Variants in TSPAN13 observed in about 807,000 individuals in gnomAD.
TSPAN13 encodes the protein tetraspanin 13.
A neutral mutation model predicts 26.9 loss-of-function variants in TSPAN13; 18 were observed. That is an observed-to-expected ratio of 0.67 (90% CI 0.46 to 0.99). The LOEUF is 0.99. Among genes scored for constraint, TSPAN13 ranks in the 50% least tolerant of loss-of-function variants. The pLI is 0.00. For synonymous variants in TSPAN13, 116 were observed against 98.4 expected, an observed-to-expected ratio of 1.18 and a Z score of -1.06; for missense variants, 201 against 249.6, an observed-to-expected ratio of 0.81 and a Z score of 1.31.
At chr7:16,776,716 A>G (rs2115335052) in intron 2 of TSPAN13, among the ~76,000 whole-genome samples, 1 of 152,200 alleles carries the variant, frequency 6.6e-6, no homozygotes, top group East Asian at 1.9e-4. Flanking sequence ...TGTTTTTTTT[A>G]GACTTAATAT....
chr7:16,764,053 C>T (rs991600366), intron 1 of TSPAN13, among the ~76,000 whole-genome samples: 3 of 152,142 alleles, frequency 2.0e-5, no homozygotes, highest in African/African-American at 7.2e-5. Flanking sequence ...GAGTCTCGCT[C>T]TGTTGCCAGG....
Position 16,779,129 on chromosome 7 carries a change from A to G in TSPAN13, c.540+13A>G. 2 of 1,591,716 alleles carry G rather than the reference A, an allele frequency of 1.3e-6. No homozygotes were observed. On this transcript the variant is annotated intron_variant, in intron 5 of 5. Transcript: ENST00000262067. ...CAGTTTTACAGAGGTATGTGCAAATAACAATATTTTTCCTCCTTTGTCACA... is the reference window on the plus strand; with the variant it reads ...CAGTTTTACAGAGGTATGTGCAAATGACAATATTTTTCCTCCTTTGTCACA...
chr7:16,765,057 C>T (rs1022120997), intron 1 of TSPAN13, among the ~76,000 whole-genome samples: 5 of 151,982 alleles, frequency 3.3e-5, no homozygotes, highest in Admixed American at 6.6e-5. Context: ...CTATGCCCCA[C>T]CTGTGCTGTA....
chr7:16,757,745 C>A (rs1288387859), intron 1 of TSPAN13, among the ~76,000 whole-genome samples: 1 of 152,060 alleles, frequency 6.6e-6, no homozygotes, highest in Non-Finnish European at 1.5e-5. Context: ...GAGAAAAATT[C>A]TCATGCAGCA....
At chr7:16,763,503 T>A (rs982499740) in intron 1 of TSPAN13, among the ~76,000 whole-genome samples, 60 of 152,364 alleles carry the variant, frequency 3.9e-4, no homozygotes, top group Middle Eastern at 3.4e-3. Context: ...CATCCGCTTT[T>A]CAGCTTAGCT....
Position 16,777,793 on chromosome 7 carries a change from A to C in TSPAN13, c.313-5A>C. 1.2e-6 allele frequency: 2 copies of C among 1,611,996 alleles called. No homozygotes were observed. Among genetic ancestry groups the C allele is most frequent in the Non-Finnish European group, 1.7e-6 (2 of 1,178,534 alleles). On this transcript the variant is annotated splice_polypyrimidine_tract_variant and splice_region_variant and intron_variant, in intron 3 of 5. Coordinates refer to ENST00000262067, the MANE Select transcript of TSPAN13 (RefSeq NM_014399.4). Reference sequence around the variant, plus strand: ...CACATTTTATATATTAAACACATTTACTAGGGTCAGCTTCTGGAGGTTGGT... The same window carrying C: ...CACATTTTATATATTAAACACATTTCCTAGGGTCAGCTTCTGGAGGTTGGT...
chr7:16,767,897 TTTTATTTTTTA>T (rs1784625151), intron 1 of TSPAN13, among the ~76,000 whole-genome samples: 1 of 152,110 alleles, frequency 6.6e-6, no homozygotes, highest in African/African-American at 2.4e-5. Context: ...TTGTATTCAT[TTTTATTTTTTA>T]TTTATTTTTA....
chr7:16,772,722 G>T (rs149243862), intron 1 of TSPAN13, among the ~76,000 whole-genome samples: 1 of 152,120 alleles, frequency 6.6e-6, no homozygotes, highest in African/African-American at 2.4e-5. Flanking sequence ...TTGGCCGGGC[G>T]CGGTGGCTCA....
chr7:16,762,460 A>AT (rs1784553337), intron 1 of TSPAN13, among the ~76,000 whole-genome samples: 2 of 152,280 alleles, frequency 1.3e-5, no homozygotes, highest in South Asian at 4.1e-4. Context: ...CTCGGGCGAT[A>AT]ATCCAGGCCC....
intron 5 of TSPAN13, among the ~76,000 whole-genome samples, chr7:16,779,562 C>T (rs1784791989): frequency 6.6e-6 from 1 of 151,376 alleles, no homozygotes; most frequent in Non-Finnish European, 1.5e-5. Flanking sequence ...TTTTTCATTC[C>T]CCTGTTCCTA....
chr7:16,783,304 C>A, intron 5 of TSPAN13, 113 bp from the exon 6 acceptor site: 3 of 1,039,146 alleles, frequency 2.9e-6, no homozygotes, highest in Middle Eastern at 2.2e-4. Context: ...CCCCGTTGAA[C>A]AAAAGATGCA....
chr7:16,774,272 ATAGATG>A (rs1439755861), intron 1 of TSPAN13, among the ~76,000 whole-genome samples: 2 of 152,156 alleles, frequency 1.3e-5, no homozygotes, highest in African/African-American at 4.8e-5. Flanking sequence ...CAATAGATAG[ATAGATG>A]TAGATATAGA....
chr7:16,782,422 G>T (rs1784823254), intron 5 of TSPAN13, among the ~76,000 whole-genome samples: 1 of 152,072 alleles, frequency 6.6e-6, no homozygotes. Context: ...GTTAAAAGTT[G>T]GCACACGTAT....
At chr7:16,755,365 A>G (rs1478104650) in intron 1 of TSPAN13, among the ~76,000 whole-genome samples, 1 of 152,196 alleles carries the variant, frequency 6.6e-6, no homozygotes, top group Non-Finnish European at 1.5e-5. Flanking sequence ...CTAGTTAGTA[A>G]GAATCTGGTC....
intron 1 of TSPAN13, among the ~76,000 whole-genome samples, chr7:16,768,570 T>A (rs944923740): frequency 1.3e-5 from 2 of 152,240 alleles, no homozygotes; most frequent in Admixed American, 1.3e-4. Flanking sequence ...AAATGCCATG[T>A]CAGTGTTATA....
At chr7:16,781,762 C>T (rs1168838172) in intron 5 of TSPAN13, among the ~76,000 whole-genome samples, 1 of 152,130 alleles carries the variant, frequency 6.6e-6, no homozygotes, top group East Asian at 1.9e-4. Flanking sequence ...ACCAGAAGCT[C>T]CCTGTGCTGA....
chr7:16,762,071 TA>T (rs200053733), intron 1 of TSPAN13, among the ~76,000 whole-genome samples: 227 of 151,398 alleles, frequency 1.5e-3, no homozygotes, highest in African/African-American at 4.5e-3. Context: ...ATTTTGGTAC[TA>T]AAAAAAAAGG....
chr7:16,780,673 AT>A (rs1784804509), intron 5 of TSPAN13, among the ~76,000 whole-genome samples: 1 of 152,180 alleles, frequency 6.6e-6, no homozygotes, highest in Non-Finnish European at 1.5e-5. Flanking sequence ...AGTTATCAGA[AT>A]TTTGCCACGT....
intron 5 of TSPAN13, 141 bp downstream of exon 5, chr7:16,779,257 G>A (rs1333575011): frequency 1.6e-6 from 1 of 613,508 alleles, no homozygotes; most frequent in Non-Finnish European, 2.8e-6. Flanking sequence ...TTTAGAATCA[G>A]AAGATCTTAC....
Sources: allele counts gnomAD v4.1 joint callset (sites outside exome capture counted in the v4.1 genomes callset), GRCh38; gene constraint gnomAD v4.1.1; transcripts MANE v1.5; gene names NCBI Gene and HGNC (gene_info 2026-07-23, HGNC 2026-07-21).